PEPD: variants seen among roughly 807,000 people sequenced by gnomAD.
PEPD encodes peptidase D.
A neutral mutation model predicts 60.7 loss-of-function variants in PEPD; 53 were observed. The ratio of observed to expected loss-of-function variants is 0.87; its 90% CI spans 0.70 to 1.10. The LOEUF (loss-of-function observed/expected upper bound fraction) is 1.10. Among genes scored for constraint, PEPD ranks in the 50% least tolerant of loss-of-function variants. The probability of loss-of-function intolerance (pLI) is 0.00; values close to 1 mark genes in which losing one functional copy is unlikely to be tolerated. For missense variants in PEPD, 711 were observed against 711.9 expected (o/e 1.00, Z 0.01); for synonymous variants, 267 against 284.1 (o/e 0.94, Z 0.60).
At chr19:33,412,423 C>A (rs1367262496) in intron 10 of PEPD, among the ~76,000 whole-genome samples, 1 of 152,158 alleles carries the variant, frequency 6.6e-6, no homozygotes, top group South Asian at 2.1e-4. Flanking sequence ...CCCTCCTTTC[C>A]TGGTGGCCAA....
At chr19:33,513,062 C>T (rs944363364) in intron 1 of PEPD, among the ~76,000 whole-genome samples, 9 of 151,918 alleles carry the variant, frequency 5.9e-5, no homozygotes, top group Middle Eastern at 3.4e-3. Context: ...AGTGACCCCA[C>T]GCTCCCGAAT....
intron 7 of PEPD, 61 bp downstream of exon 7, chr19:33,477,985 G>A (rs897864057): frequency 2.0e-5 from 22 of 1,127,564 alleles, no homozygotes; most frequent in Non-Finnish European, 2.8e-5. Context: ...GAACAACAGG[G>A]CATTCCATCC....
At chr19:33,389,983 G>A (rs1356971404) in intron 13 of PEPD, among the ~76,000 whole-genome samples, 1 of 152,254 alleles carries the variant, frequency 6.6e-6, no homozygotes, top group Non-Finnish European at 1.5e-5. Flanking sequence ...GCAGCCTTCA[G>A]GGGTGGGGAG....
chr19:33,507,558 T>C (rs1386766839), intron 3 of PEPD, among the ~76,000 whole-genome samples: 1 of 152,130 alleles, frequency 6.6e-6, no homozygotes, highest in African/African-American at 2.4e-5. Flanking sequence ...CCTGGGCGAC[T>C]TTGGATTGCA....
chr19:33,459,929 G>A (rs2145266814), intron 9 of PEPD, among the ~76,000 whole-genome samples: 1 of 152,250 alleles, frequency 6.6e-6, no homozygotes, highest in East Asian at 1.9e-4. Flanking sequence ...CAGGTCTTAA[G>A]GATGCCCACC....
intron 9 of PEPD, among the ~76,000 whole-genome samples, chr19:33,449,646 C>G (rs1249979621): frequency 6.6e-6 from 1 of 152,040 alleles, no homozygotes; most frequent in African/African-American, 2.4e-5. Context: ...AGACCTAGTA[C>G]GTGAGGAGGA....
intron 3 of PEPD, among the ~76,000 whole-genome samples, chr19:33,506,936 A>C: frequency 7.7e-6 from 1 of 130,346 alleles, no homozygotes; most frequent in African/African-American, 2.9e-5. Flanking sequence ...CCCACACAAC[A>C]TACTCTACAT....
chr19:33,480,178 A>G lies in PEPD; in HGVS notation c.504-2088T>C, dbSNP rs1970287918. Among the ~76,000 whole-genome samples, 3 of 152,244 alleles carry G rather than the reference A, an allele frequency of 2.0e-5. No homozygotes were observed. The South Asian group carries it at 6.2e-4, about 32-fold the overall frequency. Reference sequence around the variant, plus strand: ...AGACACACTTTAGATTCAAAGACACAAATAGGTTGAAAGTAAAATGATGAG... The same window carrying G: ...AGACACACTTTAGATTCAAAGACACGAATAGGTTGAAAGTAAAATGATGAG... On this transcript the variant is annotated intron_variant, in intron 6 of 14. Transcript: ENST00000244137.
In PEPD at chr19:33,500,843, T is replaced by C. The variant is rs1970693964; in HGVS notation, c.393+95A>G. 3.7e-6 allele frequency: 3 copies of C among 804,320 alleles called. No individual in the cohort carries two copies. The East Asian group carries it at 7.3e-5, about 19-fold the overall frequency. The allele number at this position is 804,320 out of a possible 1,614,324, so 49.8% of individuals were successfully genotyped here. On this transcript the variant is annotated intron_variant, in intron 4 of 14. Coordinates refer to ENST00000244137, the MANE Select transcript of PEPD (RefSeq NM_000285.4). ...TGGCCAGGTGGTAGTGTCCCTGACA[T>C]CCAGCAAGGTTGTGGCAGTGGAAGG...
Position 33,399,992 on chromosome 19 carries a change from C to G in PEPD, c.967+1729G>C, listed in dbSNP as rs558116984. On this transcript the variant is annotated intron_variant, in intron 12 of 14. Transcript: ENST00000244137. ...CAGGCGGCAGAGCTGGGGCTGGGCT[C>G]GGGGCACTCTGGGTCTGGGGCCTGC... Among the ~76,000 whole-genome samples the G allele has an allele frequency of 1.6e-4, 25 of 152,220 alleles. No homozygotes were observed. The East Asian group carries it at 4.1e-3, about 25-fold the overall frequency.
intron 1 of PEPD, among the ~76,000 whole-genome samples, chr19:33,517,346 G>C (rs1001159851): frequency 6.6e-6 from 1 of 151,774 alleles, no homozygotes; most frequent in African/African-American, 2.4e-5. Flanking sequence ...GATCACCTGA[G>C]GTCAGGAGTT....
intron 3 of PEPD, among the ~76,000 whole-genome samples, chr19:33,504,714 G>A (rs1482573624): frequency 1.3e-5 from 2 of 151,944 alleles, no homozygotes; most frequent in African/African-American, 4.8e-5. Context: ...AGCCGAGATC[G>A]TGCCATTGTA....
At chr19:33,396,739 G>A (rs542035465) in intron 12 of PEPD, among the ~76,000 whole-genome samples, 20 of 151,876 alleles carry the variant, frequency 1.3e-4, no homozygotes, top group Admixed American at 2.6e-4. Context: ...GAGCTGGGTC[G>A]GGGCTGGGAG....
At chr19:33,475,735 G>A (rs10402145) in intron 7 of PEPD, among the ~76,000 whole-genome samples, 44,774 of 152,072 alleles carry the variant, frequency 0.29, 7,081 homozygotes, top group African/African-American at 0.4. Context: ...AGTATAAGTG[G>A]ACATGGCCCA....
At chr19:33,396,213 G>A (rs898980754) in intron 12 of PEPD, 8 of 152,388 alleles carry the variant, frequency 5.2e-5, no homozygotes, top group African/African-American at 1.9e-4. Context: ...CTATCTGCCT[G>A]AGCCCTGCAC....
chr19:33,493,542 G>A (rs1970540712), intron 4 of PEPD: 1 of 651,516 alleles, frequency 1.5e-6, no homozygotes, highest in East Asian at 2.8e-5. Flanking sequence ...GCCATCGAGG[G>A]GCAGAGAGGA....
chr19:33,432,781 G>A (rs564505536), intron 9 of PEPD, among the ~76,000 whole-genome samples: 1 of 152,236 alleles, frequency 6.6e-6, no homozygotes, highest in African/African-American at 2.4e-5. Flanking sequence ...TCCACTCACA[G>A]CTTTGAAATC....
chr19:33,432,509 C>G (rs373618788), intron 9 of PEPD, among the ~76,000 whole-genome samples: 1 of 152,186 alleles, frequency 6.6e-6, no homozygotes, highest in Non-Finnish European at 1.5e-5. Flanking sequence ...GGGCAGAACC[C>G]GCAGCTCTGA....
intron 7 of PEPD, among the ~76,000 whole-genome samples, chr19:33,471,708 C>G (rs1458834108): frequency 6.6e-6 from 1 of 152,204 alleles, no homozygotes; most frequent in African/African-American, 2.4e-5. Context: ...GACAAAGATG[C>G]CACCTAAGAA....
Sources: allele counts gnomAD v4.1 joint callset (sites outside exome capture counted in the v4.1 genomes callset), GRCh38; gene constraint gnomAD v4.1.1; transcripts MANE v1.5; gene names NCBI Gene and HGNC (gene_info 2026-07-23, HGNC 2026-07-21).